Variants in CNTN4 observed in about 807,000 individuals in gnomAD.
CNTN4 encodes contactin-4.
A neutral mutation model predicts 122.5 loss-of-function variants in CNTN4; 77 were observed. That is an observed-to-expected ratio of 0.63 (90% CI 0.52 to 0.76). CNTN4 has a LOEUF of 0.76. Among genes scored for constraint, CNTN4 ranks in the 30% least tolerant of loss-of-function variants. The pLI, the probability that CNTN4 is intolerant of heterozygous loss-of-function variation, is 0.00. For missense variants in CNTN4, 1,256 were observed against 1,259.1 expected (o/e 1.00, Z 0.04); for synonymous variants, 512 against 447.0 (o/e 1.15, Z -1.83).
At chr3:2,428,161 T>C (rs2047916543) in intron 3 of CNTN4, among the ~76,000 whole-genome samples, 1 of 152,240 alleles carries the variant, frequency 6.6e-6, no homozygotes, top group South Asian at 2.1e-4. Flanking sequence ...AGTTTCTTCC[T>C]AGCCTCGATG....
At chr3:2,762,542 G>A (rs1458078908) in intron 6 of CNTN4, among the ~76,000 whole-genome samples, 1 of 152,126 alleles carries the variant, frequency 6.6e-6, no homozygotes. Flanking sequence ...TGATCTCATT[G>A]TGTATGTACC....
chr3:2,561,449 C>T (rs1445533755), intron 3 of CNTN4, among the ~76,000 whole-genome samples: 1 of 152,040 alleles, frequency 6.6e-6, no homozygotes, highest in Non-Finnish European at 1.5e-5. Context: ...CCCCAAGTCC[C>T]TTGCATCCGC....
intron 4 of CNTN4, among the ~76,000 whole-genome samples, chr3:2,710,191 T>G (rs1182623447): frequency 6.6e-6 from 1 of 152,208 alleles, no homozygotes; most frequent in Non-Finnish European, 1.5e-5. Flanking sequence ...AGTTGTGCAG[T>G]CTGTGAGAGT....
At chr3:2,873,136 C>T (rs1236631796) in intron 8 of CNTN4, among the ~76,000 whole-genome samples, 2 of 152,154 alleles carry the variant, frequency 1.3e-5, no homozygotes, top group East Asian at 1.9e-4. Context: ...TAGTCCCAGA[C>T]GTACCAGCAG....
chr3:2,281,608 T>A (rs2041717893), intron 2 of CNTN4, among the ~76,000 whole-genome samples: 1 of 152,120 alleles, frequency 6.6e-6, no homozygotes, highest in South Asian at 2.1e-4. Flanking sequence ...ATATACCAAC[T>A]GATACGTTTT....
At position 2,450,737 on chromosome 3, in the gene CNTN4, C is replaced by A. The variant is rs552182591; in HGVS notation, c.-89+111504C>A. Among the ~76,000 whole-genome samples, 174 of 152,262 alleles carry A rather than the reference C, an allele frequency of 1.1e-3. 1 individual carries two copies. Among genetic ancestry groups the A allele is most frequent in the Non-Finnish European group, 2.1e-3 (140 of 68,008 alleles). ...ATGCAACTAGTGAATTTGGCTTGGA[C>A]CAAAGCCCCCACTTTGAATTAAGAT... is the stretch of plus-strand genomic sequence containing the variant. On this transcript the variant is annotated intron_variant, in intron 3 of 24. Coordinates refer to ENST00000418658, the MANE Select transcript of CNTN4 (RefSeq NM_175607.3).
intron 13 of CNTN4, among the ~76,000 whole-genome samples, chr3:2,961,012 C>A (rs572356226): frequency 7.4e-6 from 1 of 135,050 alleles, no homozygotes; most frequent in African/African-American, 2.6e-5. Context: ...GGGTGGATCA[C>A]GAGGTCAGGA....
chr3:2,593,740 A>G (rs1330572497), intron 4 of CNTN4, among the ~76,000 whole-genome samples: 2 of 152,148 alleles, frequency 1.3e-5, no homozygotes, highest in Admixed American at 1.3e-4. Context: ...GGATTCAATG[A>G]TTAAAGCCAG....
At chr3:2,741,530 G>C (rs1469312403) in intron 5 of CNTN4, among the ~76,000 whole-genome samples, 2 of 152,174 alleles carry the variant, frequency 1.3e-5, no homozygotes, top group Non-Finnish European at 2.9e-5. Context: ...TAGGACAGCA[G>C]GTGTAAACCA....
At chr3:2,622,770 G>T (rs2082039171) in intron 4 of CNTN4, among the ~76,000 whole-genome samples, 2 of 152,176 alleles carry the variant, frequency 1.3e-5, no homozygotes, top group African/African-American at 4.8e-5. Context: ...ATTTACAGAT[G>T]AAGTAATGGA....
chr3:2,205,216 A>T (rs1288947235), intron 2 of CNTN4, among the ~76,000 whole-genome samples: 1 of 151,060 alleles, frequency 6.6e-6, no homozygotes, highest in Non-Finnish European at 1.5e-5. Context: ...CATATCCAAG[A>T]TATTTTTAAT....
At chr3:2,157,553 C>T (rs1266750579) in intron 2 of CNTN4, among the ~76,000 whole-genome samples, 1 of 152,072 alleles carries the variant, frequency 6.6e-6, no homozygotes, top group Non-Finnish European at 1.5e-5. Flanking sequence ...GGCTCAAAAT[C>T]TCACTTTACT....
chr3:2,228,421 T>C (rs2039367117), intron 2 of CNTN4, among the ~76,000 whole-genome samples: 1 of 152,152 alleles, frequency 6.6e-6, no homozygotes, highest in Non-Finnish European at 1.5e-5. Flanking sequence ...GTTTTTACAC[T>C]ACAACAGTAG....
chr3:2,412,377 G>A (rs1415718465), intron 3 of CNTN4, among the ~76,000 whole-genome samples: 1 of 151,756 alleles, frequency 6.6e-6, no homozygotes, highest in African/African-American at 2.4e-5. Context: ...TCAGCCTCCC[G>A]AGTAGCTGGG....
intron 4 of CNTN4, among the ~76,000 whole-genome samples, chr3:2,688,151 G>A (rs1031540858): frequency 6.6e-6 from 1 of 152,208 alleles, no homozygotes; most frequent in Non-Finnish European, 1.5e-5. Context: ...TACAGTTATT[G>A]AAGGAATTAT....
chr3:2,286,719 G>T (rs1173050572), intron 2 of CNTN4, among the ~76,000 whole-genome samples: 3 of 152,076 alleles, frequency 2.0e-5, no homozygotes, highest in African/African-American at 7.2e-5. Flanking sequence ...GATCATAATT[G>T]AACATATGTT....
intron 4 of CNTN4, among the ~76,000 whole-genome samples, chr3:2,735,186 T>G (rs1289041557): frequency 6.6e-6 from 1 of 152,198 alleles, no homozygotes; most frequent in Non-Finnish European, 1.5e-5. Flanking sequence ...GGAAATATAG[T>G]TTTAAAATTA....
Position 2,405,984 on chromosome 3 carries a change from G to A in CNTN4, c.-89+66751G>A, listed in dbSNP as rs553349461. ...CAAGGTTGTAGTGAGTGGAGATCAC[G>A]TCACTGAACTCCAGCCTAGATGACA... is the stretch of plus-strand genomic sequence containing the variant. On this transcript the variant is annotated intron_variant, in intron 3 of 24. Coordinates refer to ENST00000418658, the MANE Select transcript of CNTN4 (RefSeq NM_175607.3). Among the ~76,000 whole-genome samples, 18 of 151,640 alleles carry A rather than the reference G, an allele frequency of 1.2e-4. No homozygotes were observed. In the South Asian group the frequency reaches 3.1e-3, roughly 26 times the overall value.
chr3:2,343,497 G>A (rs2044284480), intron 3 of CNTN4, among the ~76,000 whole-genome samples: 2 of 152,088 alleles, frequency 1.3e-5, no homozygotes, highest in African/African-American at 2.4e-5. Flanking sequence ...GACTGGTCGC[G>A]GGTCACTCCT....
Sources: allele counts gnomAD v4.1 joint callset (sites outside exome capture counted in the v4.1 genomes callset), GRCh38; gene constraint gnomAD v4.1.1; transcripts MANE v1.5; gene names NCBI Gene and HGNC (gene_info 2026-07-23, HGNC 2026-07-21).